Variants in CCDC38 observed in about 807,000 individuals in gnomAD.
CCDC38 encodes coiled-coil domain containing 38.
In CCDC38, 69 loss-of-function variants were observed where a neutral mutation model predicts 72.8. The observed-to-expected ratio is 0.95, with a 90% CI of 0.78 to 1.16. The LOEUF is 1.16. Among genes scored for constraint, CCDC38 ranks in the 50% most tolerant of loss-of-function variants. The pLI is 0.00. For synonymous variants in CCDC38, 201 were observed against 213.2 expected, an observed-to-expected ratio of 0.94 and a Z score of 0.50; for missense variants, 626 against 638.9, an observed-to-expected ratio of 0.98 and a Z score of 0.22.
At position 95,879,636 on chromosome 12, in the gene CCDC38, T is replaced by A; in HGVS notation, c.1142+8A>T. On this transcript the variant is annotated splice_region_variant and intron_variant, in intron 12 of 15. Coordinates refer to ENST00000344280, the MANE Select transcript of CCDC38 (RefSeq NM_182496.3). This position sits in a 1 kb window ranked among gnomAD's most constrained non-coding sequence, Gnocchi z 5.5. ...ATGGAATAAATCTACTTGTTTATAATGACTTACGTTTTATCCTGTATAACT... is the reference window on the plus strand; with the variant it reads ...ATGGAATAAATCTACTTGTTTATAAAGACTTACGTTTTATCCTGTATAACT... 1 of 1,559,446 alleles carries A rather than the reference T, an allele frequency of 6.4e-7. No individual in the cohort carries two copies. The highest frequency in any genetic ancestry group is 2.2e-5 in the East Asian group (1 of 44,536).
At chr12:95,883,717 A>G (rs57880152) in intron 10 of CCDC38, among the ~76,000 whole-genome samples, 5,050 of 152,288 alleles carry the variant, frequency 0.033, 283 homozygotes, top group African/African-American at 0.12. Flanking sequence ...CCTAAATGGT[A>G]AGGCCCTTGA....
At chr12:95,931,426 G>A (rs577414910) in intron 2 of CCDC38, among the ~76,000 whole-genome samples, 4 of 152,318 alleles carry the variant, frequency 2.6e-5, no homozygotes, top group Non-Finnish European at 4.4e-5. Context: ...GTAAGGTAAC[G>A]TATTTACAGG....
intron 10 of CCDC38, among the ~76,000 whole-genome samples, chr12:95,882,243 G>A (rs1356770371): frequency 6.6e-6 from 1 of 152,184 alleles, no homozygotes; most frequent in Admixed American, 6.5e-5. Flanking sequence ...ATAGAGGGCA[G>A]TGATGATGGC....
At chr12:95,906,793 G>T (rs1226186707) in intron 4 of CCDC38, among the ~76,000 whole-genome samples, 1 of 123,298 alleles carries the variant, frequency 8.1e-6, no homozygotes, top group Non-Finnish European at 1.6e-5. Context: ...TTCCAATCAA[G>T]ATTTCTTTTT....
chr12:95,892,876 C>G (rs956780857), intron 8 of CCDC38, among the ~76,000 whole-genome samples: 1 of 152,018 alleles, frequency 6.6e-6, no homozygotes, highest in Non-Finnish European at 1.5e-5. Flanking sequence ...GACTTAAATT[C>G]TTATATATAT....
chr12:95,928,178 A>G (rs1432496391), intron 2 of CCDC38, among the ~76,000 whole-genome samples: 1 of 151,912 alleles, frequency 6.6e-6, no homozygotes, highest in African/African-American at 2.4e-5. Flanking sequence ...AGGTACACCA[A>G]TCAGACGTAG....
At chr12:95,881,691 G>T (rs1161156558) in intron 10 of CCDC38, 137 bp from the exon 11 acceptor site, 1 of 577,316 alleles carries the variant, frequency 1.7e-6, no homozygotes, top group Non-Finnish European at 3.0e-6. Context: ...GCCTTTTAGG[G>T]AACTGCTGAT....
At chr12:95,871,643 G>C (rs2079581253) in intron 14 of CCDC38, among the ~76,000 whole-genome samples, 1 of 152,210 alleles carries the variant, frequency 6.6e-6, no homozygotes, top group South Asian at 2.1e-4. Context: ...GGGGCTCCAG[G>C]GATGATAATC....
chr12:95,919,615 C>T (rs2080182225), intron 2 of CCDC38: 1 of 455,910 alleles, frequency 2.2e-6, no homozygotes, highest in South Asian at 1.5e-5. Context: ...ACCGACATAG[C>T]TCTTACTGCT....
At chr12:95,882,112 A>T (rs2079707144) in intron 10 of CCDC38, among the ~76,000 whole-genome samples, 1 of 152,198 alleles carries the variant, frequency 6.6e-6, no homozygotes, top group African/African-American at 2.4e-5. Context: ...GTGGCTTGGA[A>T]AGTGGCTCTG....
chr12:95,913,135 T>A (rs1017253745), intron 4 of CCDC38, among the ~76,000 whole-genome samples: 2 of 152,184 alleles, frequency 1.3e-5, no homozygotes, highest in African/African-American at 4.8e-5. Flanking sequence ...AAGTAACCTG[T>A]GAGCCTGTGC....
At chr12:95,902,867 C>T (rs1456455929) in intron 5 of CCDC38, among the ~76,000 whole-genome samples, 1 of 152,082 alleles carries the variant, frequency 6.6e-6, no homozygotes, top group African/African-American at 2.4e-5. Flanking sequence ...AAACTAGGTC[C>T]TTTGCATTTC....
intron 4 of CCDC38, among the ~76,000 whole-genome samples, chr12:95,912,347 A>G (rs148378910): frequency 2.1e-4 from 32 of 152,324 alleles, no homozygotes; most frequent in Admixed American, 5.9e-4. Flanking sequence ...AAACCTGCAC[A>G]TGTATCCCCT....
In CCDC38 at chr12:95,892,015, A is replaced by G. The variant is rs73371196; in HGVS notation, c.773-1085T>C. On this transcript the variant is annotated intron_variant, in intron 8 of 15. Coordinates refer to ENST00000344280, the MANE Select transcript of CCDC38 (RefSeq NM_182496.3). Reference sequence around the variant, plus strand: ...ACTGCATCCTGGAAACTCTCTCTCCAGGTAGTAAGCTGAGGCAATCCTAGG... The same window carrying G: ...ACTGCATCCTGGAAACTCTCTCTCCGGGTAGTAAGCTGAGGCAATCCTAGG... Among the ~76,000 whole-genome samples, 949 of 150,806 alleles carry G rather than the reference A, an allele frequency of 6.3e-3. 11 individuals carry two copies. The highest frequency in any genetic ancestry group is 0.04 in the Middle Eastern group (11 of 276).
chr12:95,874,124 G>GA (rs2079610787), intron 13 of CCDC38, among the ~76,000 whole-genome samples: 1 of 152,016 alleles, frequency 6.6e-6, no homozygotes, highest in Non-Finnish European at 1.5e-5. Flanking sequence ...TGGAGACACA[G>GA]AAAAATATAA....
chr12:95,942,659 G>A, upstream of CCDC38: 1 of 152,506 alleles, frequency 6.6e-6, no homozygotes, highest in African/African-American at 2.4e-5. Context: ...CTCCCCTACC[G>A]CATCCCCCTC....
At chr12:95,899,846 T>C (rs2079932217) in intron 5 of CCDC38, among the ~76,000 whole-genome samples, 1 of 152,030 alleles carries the variant, frequency 6.6e-6, no homozygotes, top group African/African-American at 2.4e-5. Flanking sequence ...CAAAGAAACA[T>C]AAATGCTTGT....
At chr12:95,923,675 A>T (rs1043161434) in intron 2 of CCDC38, among the ~76,000 whole-genome samples, 5 of 152,000 alleles carry the variant, frequency 3.3e-5, no homozygotes, top group African/African-American at 1.2e-4. Flanking sequence ...TATATCTCCC[A>T]ATGCTATCCC....
At chr12:95,906,031 T>C (rs1197222854) in intron 5 of CCDC38, among the ~76,000 whole-genome samples, 1 of 152,172 alleles carries the variant, frequency 6.6e-6, no homozygotes, top group East Asian at 1.9e-4. Flanking sequence ...CTGCATTAAA[T>C]AGGGCATCTC....
Sources: allele counts gnomAD v4.1 joint callset (sites outside exome capture counted in the v4.1 genomes callset), GRCh38; gene constraint gnomAD v4.1.1; non-coding constraint Gnocchi (gnomAD v3.1); transcripts MANE v1.5; gene names NCBI Gene and HGNC (gene_info 2026-07-23, HGNC 2026-07-21).